The following RGS22 variants were observed in gnomAD, a reference collection of about 807,000 sequenced individuals.
RGS22 encodes the protein regulator of G-protein signaling 22.
RGS22 carries 148 observed loss-of-function variants against 172.9 expected under a neutral mutation model. The ratio of observed to expected loss-of-function variants is 0.86; its 90% CI spans 0.75 to 0.98. The LOEUF is 0.98. RGS22 is among the 50% of genes least tolerant of loss of function. The probability of loss-of-function intolerance (pLI) is 0.00; values close to 1 mark genes in which losing one functional copy is unlikely to be tolerated. For missense variants in RGS22, 1,347 were observed against 1,440.8 expected (o/e 0.93, Z 1.05); for synonymous variants, 458 against 480.2 (o/e 0.95, Z 0.60).
intron 14 of RGS22, among the ~76,000 whole-genome samples, chr8:100,022,853 G>A (rs934068121): frequency 2.6e-5 from 4 of 151,808 alleles, no homozygotes; most frequent in Non-Finnish European, 4.4e-5. Flanking sequence ...CTAGCCTCCC[G>A]AGTAGCTGGG....
intron 14 of RGS22, among the ~76,000 whole-genome samples, chr8:100,018,403 TG>T (rs1817241400): frequency 2.0e-5 from 3 of 147,474 alleles, no homozygotes; most frequent in African/African-American, 7.6e-5. Flanking sequence ...GAAAAAAGAA[TG>T]GAGAAAAAAA....
intron 4 of RGS22, among the ~76,000 whole-genome samples, chr8:100,074,463 G>A (rs1214440819): frequency 6.6e-6 from 1 of 152,170 alleles, no homozygotes; most frequent in Non-Finnish European, 1.5e-5. Flanking sequence ...GGCAACCACT[G>A]ATCTGTTCCG....
At chr8:100,027,767 G>A (rs1219486083) in intron 14 of RGS22, among the ~76,000 whole-genome samples, 1 of 152,136 alleles carries the variant, frequency 6.6e-6, no homozygotes, top group Non-Finnish European at 1.5e-5. Flanking sequence ...ATAGGCATGA[G>A]CCATCACGCC....
chr8:100,076,889 A>G (rs997049165), intron 4 of RGS22, among the ~76,000 whole-genome samples: 18 of 152,150 alleles, frequency 1.2e-4, no homozygotes, highest in African/African-American at 4.1e-4. Flanking sequence ...GCTACCTGGA[A>G]GGCTGAGGCA....
chr8:100,041,141 T>G (rs749634336), intron 12 of RGS22, among the ~76,000 whole-genome samples: 1 of 152,182 alleles, frequency 6.6e-6, no homozygotes, highest in Non-Finnish European at 1.5e-5. Context: ...AACTAGTGCA[T>G]TAAATCCACA....
intron 14 of RGS22, among the ~76,000 whole-genome samples, chr8:100,031,485 T>C (rs1382435939): frequency 6.6e-6 from 1 of 152,152 alleles, no homozygotes; most frequent in Non-Finnish European, 1.5e-5. Flanking sequence ...ACCTACCCTC[T>C]TCATTCATTA....
chr8:99,963,829 A>C lies in RGS22; in HGVS notation c.3616-851T>G, dbSNP rs140349641. On this transcript the variant is annotated intron_variant, in intron 24 of 27. Coordinates refer to ENST00000360863, the MANE Select transcript of RGS22 (RefSeq NM_015668.5). Reference sequence around the variant, plus strand: ...GGTATCTGCAGGAAGTCTTGGAACCACCCCACAGTGGACACTGAGGAACAA... The same window carrying C: ...GGTATCTGCAGGAAGTCTTGGAACCCCCCCACAGTGGACACTGAGGAACAA... 3.8e-3 allele frequency among the ~76,000 whole-genome samples: 573 copies of C among 152,228 alleles called. 4 individuals carry two copies. The highest frequency in any genetic ancestry group is 0.013 in the African/African-American group (549 of 41,534).
At chr8:100,023,311 G>A (rs982510538) in intron 14 of RGS22, among the ~76,000 whole-genome samples, 1 of 152,194 alleles carries the variant, frequency 6.6e-6, no homozygotes, top group Admixed American at 6.5e-5. Flanking sequence ...GATACAAGGA[G>A]CAGACAGCTT....
At chr8:99,962,334 A>G (rs754006007) in intron 27 of RGS22, 60 bp downstream of exon 27, 29 of 1,059,888 alleles carry the variant, frequency 2.7e-5, no homozygotes, top group Admixed American at 1.0e-4. Context: ...GTGCATGTAC[A>G]TGAATGAGTG....
At chr8:99,992,676 T>C (rs753842412) in intron 20 of RGS22, among the ~76,000 whole-genome samples, 5 of 152,170 alleles carry the variant, frequency 3.3e-5, no homozygotes, top group African/African-American at 4.8e-5. Flanking sequence ...TGGGAGACTT[T>C]AACACCCCGC....
chr8:100,041,936 A>T lies in RGS22; in HGVS notation c.1824-20T>A. 6.7e-7 allele frequency: 1 copy of T among 1,490,654 alleles called. No homozygotes were observed. Among genetic ancestry groups the T allele is most frequent in the Non-Finnish European group, 9.3e-7 (1 of 1,070,734 alleles). 92.3% of individuals were successfully genotyped at this position (1,490,654 alleles called of 1,614,324 possible). ...TTTGACCTAAATTATAAGGATGAGA[A>T]CTAAAATTATAAGAATGAGAACTAA... On this transcript the variant is annotated intron_variant, in intron 11 of 27. Transcript: ENST00000360863.
chr8:99,965,823 G>A (rs903564683), intron 23 of RGS22, among the ~76,000 whole-genome samples: 7 of 151,928 alleles, frequency 4.6e-5, no homozygotes, highest in South Asian at 2.1e-4. Flanking sequence ...ATCTAACTAC[G>A]TTTGCTCTTT....
chr8:100,042,679 T>A (rs768677463), intron 11 of RGS22: 2 of 152,236 alleles, frequency 1.3e-5, no homozygotes, highest in Non-Finnish European at 2.9e-5. Flanking sequence ...ACCTTGCCAA[T>A]ATTCCTCCAT....
chr8:100,057,529 A>T lies in RGS22; in HGVS notation c.1515-4553T>A, dbSNP rs1057436417. Among the ~76,000 whole-genome samples the T allele has an allele frequency of 2.0e-5, 3 of 152,204 alleles. No homozygotes were observed. The South Asian group carries it at 6.3e-4, about 32-fold the overall frequency. On this transcript the variant is annotated intron_variant, in intron 9 of 27. Coordinates refer to ENST00000360863, the MANE Select transcript of RGS22 (RefSeq NM_015668.5). ...GAGGAACCCAGTGGGAGGTAATGGA[A>T]TCGTGTGGGTGGGTCTTTCCCATGC...
At chr8:99,962,810 A>G in intron 25 of RGS22, 43 bp from the exon 26 acceptor site, 1 of 1,586,446 alleles carries the variant, frequency 6.3e-7, no homozygotes, top group Non-Finnish European at 8.6e-7. Flanking sequence ...TAAAGTAAAT[A>G]TTGGCAAAGT....
intron 4 of RGS22, among the ~76,000 whole-genome samples, chr8:100,078,799 G>C (rs1457632794): frequency 1.3e-5 from 2 of 151,938 alleles, no homozygotes; most frequent in African/African-American, 4.8e-5. Flanking sequence ...GCTAATTTTT[G>C]TATTTTTTGT....
chr8:100,084,370 GTGTA>G (rs1812012227), intron 3 of RGS22, among the ~76,000 whole-genome samples: 1 of 152,210 alleles, frequency 6.6e-6, no homozygotes, highest in Non-Finnish European at 1.5e-5. Context: ...GAGGAAGAAA[GTGTA>G]TGTAAGCATG....
At chr8:100,104,528 G>T (rs1462615147) in intron 2 of RGS22, among the ~76,000 whole-genome samples, 1 of 152,034 alleles carries the variant, frequency 6.6e-6, no homozygotes, top group Non-Finnish European at 1.5e-5. Context: ...GCTCTGGAAA[G>T]GTGAATGTGA....
At chr8:100,100,184 T>G (rs1261217559) in intron 2 of RGS22, among the ~76,000 whole-genome samples, 1 of 152,100 alleles carries the variant, frequency 6.6e-6, no homozygotes, top group Non-Finnish European at 1.5e-5. Flanking sequence ...ACACCCAACC[T>G]CCTATGTACT....
Sources: allele counts gnomAD v4.1 joint callset (sites outside exome capture counted in the v4.1 genomes callset), GRCh38; gene constraint gnomAD v4.1.1; transcripts MANE v1.5; gene names NCBI Gene and HGNC (gene_info 2026-07-23, HGNC 2026-07-21).